Variants in IL19 observed in about 807,000 individuals in gnomAD.
IL19 encodes interleukin 19.
In IL19, 15 loss-of-function variants were observed where a neutral mutation model predicts 19.5. The ratio of observed to expected loss-of-function variants is 0.77; its 90% confidence interval spans 0.52 to 1.19. The LOEUF (loss-of-function observed/expected upper bound fraction) is 1.19. Ranked by LOEUF, IL19 falls within the 50% of genes most tolerant of loss-of-function variation. IL19 has a pLI of 0.00. For missense variants in IL19, 199 were observed against 213.1 expected (o/e 0.93, Z 0.41); for synonymous variants, 78 against 78.3 (o/e 1.00, Z 0.02).
chr1:206,827,029 T>C (rs1323653204), intron 2 of IL19, among the ~76,000 whole-genome samples: 1 of 152,238 alleles, frequency 6.6e-6, no homozygotes, highest in Non-Finnish European at 1.5e-5. Context: ...AGTGCCGTTG[T>C]GATACGCTTA....
chr1:206,781,172 G>A (rs561596460), intron 1 of IL19, among the ~76,000 whole-genome samples: 3 of 152,064 alleles, frequency 2.0e-5, no homozygotes, highest in Admixed American at 6.5e-5. Flanking sequence ...GGGGCCAGGC[G>A]CGGTGGCTCA....
intron 1 of IL19, among the ~76,000 whole-genome samples, chr1:206,797,507 T>C (rs1211983378): frequency 6.6e-6 from 1 of 152,204 alleles, no homozygotes; most frequent in African/African-American, 2.4e-5. Flanking sequence ...TTTACTGTTT[T>C]TCCTGGAAAA....
chr1:206,801,399 C>T (rs954518698), intron 2 of IL19, among the ~76,000 whole-genome samples: 24 of 152,168 alleles, frequency 1.6e-4, no homozygotes, highest in African/African-American at 5.8e-4. Context: ...TGGACCTTTC[C>T]CTGGCCAGAC....
chr1:206,783,108 A>C (rs1344817127), intron 1 of IL19, among the ~76,000 whole-genome samples: 1 of 152,182 alleles, frequency 6.6e-6, no homozygotes, highest in African/African-American at 2.4e-5. Flanking sequence ...TCATTTTATA[A>C]GGAGGGCACC....
intron 1 of IL19, chr1:206,771,313 A>T: frequency 6.4e-7 from 1 of 1,555,272 alleles, no homozygotes; most frequent in Non-Finnish European, 8.9e-7. Context: ...CCCTTCCCTT[A>T]ATCATGCTGC....
chr1:206,804,639 C>T lies in IL19; in HGVS notation c.-3+5633C>T, dbSNP rs556097296. 2.6e-5 allele frequency among the ~76,000 whole-genome samples: 4 copies of T among 152,296 alleles called. No homozygotes were observed. The South Asian group carries it at 6.2e-4, about 24-fold the overall frequency. On this transcript the variant is annotated intron_variant, in intron 2 of 6. Transcript: ENST00000659997. ...TGAGATTTGGGGTTTAAAAGTGTTT[C>T]TGACCAGAGATGCCTGAGGGAATGA... is the stretch of plus-strand genomic sequence containing the variant.
chr1:206,778,474 C>T (rs903610702), intron 1 of IL19, among the ~76,000 whole-genome samples: 7 of 152,062 alleles, frequency 4.6e-5, no homozygotes, highest in Admixed American at 2.6e-4. Context: ...CCCTCTGGTG[C>T]GCTTTAGTTT....
chr1:206,820,448 A>T (rs947881017), intron 2 of IL19, among the ~76,000 whole-genome samples: 1 of 152,204 alleles, frequency 6.6e-6, no homozygotes, highest in Non-Finnish European at 1.5e-5. Flanking sequence ...TGACTTCCAG[A>T]TGTTAGCCAA....
chr1:206,771,686 C>T (rs147839909), intron 1 of IL19, among the ~76,000 whole-genome samples: 20 of 152,322 alleles, frequency 1.3e-4, no homozygotes, highest in African/African-American at 4.6e-4. Flanking sequence ...GGTCTTCTTT[C>T]TGCGGAGCTA....
intron 1 of IL19, among the ~76,000 whole-genome samples, chr1:206,784,719 C>A (rs1675227673): frequency 6.6e-6 from 1 of 152,220 alleles, no homozygotes; most frequent in South Asian, 2.1e-4. Flanking sequence ...GGATTTCTCA[C>A]ATTGACTGTT....
chr1:206,829,863 G>A (rs890669300), intron 2 of IL19, among the ~76,000 whole-genome samples: 3 of 149,370 alleles, frequency 2.0e-5, no homozygotes, highest in Non-Finnish European at 1.5e-5. Flanking sequence ...CTTTGACCAA[G>A]ATCCCTGTGG....
intron 2 of IL19, among the ~76,000 whole-genome samples, chr1:206,828,589 G>A (rs1205570656): frequency 6.6e-6 from 1 of 152,156 alleles, no homozygotes; most frequent in African/African-American, 2.4e-5. Flanking sequence ...AAATTGGAGT[G>A]AAAGGTACGT....
chr1:206,822,781 G>A (rs948256101), intron 2 of IL19, among the ~76,000 whole-genome samples: 1 of 152,062 alleles, frequency 6.6e-6, no homozygotes, highest in Non-Finnish European at 1.5e-5. Flanking sequence ...CCAACGCTTC[G>A]GTGTCCCCCA....
chr1:206,791,767 C>T (rs759369160), intron 1 of IL19, among the ~76,000 whole-genome samples: 2 of 152,232 alleles, frequency 1.3e-5, no homozygotes, highest in Non-Finnish European at 2.9e-5. Context: ...TTCTCCTCCC[C>T]CTGTAAAAGC....
At chr1:206,819,457 G>A (rs1174491841) in intron 2 of IL19, among the ~76,000 whole-genome samples, 1 of 151,776 alleles carries the variant, frequency 6.6e-6, no homozygotes, top group Non-Finnish European at 1.5e-5. Flanking sequence ...GTTGGTGTGT[G>A]CCTGTAGTTC....
At chr1:206,782,212 A>G (rs1675164628) in intron 1 of IL19, among the ~76,000 whole-genome samples, 1 of 151,944 alleles carries the variant, frequency 6.6e-6, no homozygotes, top group Non-Finnish European at 1.5e-5. Context: ...CCAAACCAAA[A>G]CACATTTAGT....
chr1:206,828,205 T>C (rs369721416), intron 2 of IL19, among the ~76,000 whole-genome samples: 1 of 6,614 alleles, frequency 1.5e-4, no homozygotes, highest in Admixed American at 1.8e-3. Flanking sequence ...CCACCAAGCC[T>C]GCAGAATGTC....
chr1:206,808,551 G>C (rs1435815098), intron 2 of IL19, among the ~76,000 whole-genome samples: 1 of 151,828 alleles, frequency 6.6e-6, no homozygotes, highest in African/African-American at 2.4e-5. Flanking sequence ...GGTGGGGTGA[G>C]GTAGGAAAAA....
At chr1:206,808,575 A>G (rs144439669) in intron 2 of IL19, among the ~76,000 whole-genome samples, 2 of 152,052 alleles carry the variant, frequency 1.3e-5, no homozygotes, top group Non-Finnish European at 2.9e-5. Flanking sequence ...AGGTGAGCAG[A>G]GATCTGGCAC....
Sources: allele counts gnomAD v4.1 joint callset (sites outside exome capture counted in the v4.1 genomes callset), GRCh38; gene constraint gnomAD v4.1.1; transcripts MANE v1.5; gene names NCBI Gene and HGNC (gene_info 2026-07-23, HGNC 2026-07-21).